Variants in C1orf21 observed in about 807,000 individuals in gnomAD.
C1orf21 encodes the protein uncharacterized protein C1orf21.
In C1orf21, 3 loss-of-function variants were observed where a neutral mutation model predicts 18.7. The observed-to-expected ratio is 0.16, with a 90% CI of 0.07 to 0.42. The LOEUF is 0.42. C1orf21 is among the 10% of genes least tolerant of loss of function. The pLI is 0.99. For missense variants in C1orf21, 104 were observed against 143.6 expected (o/e 0.72, Z 1.41); for synonymous variants, 41 against 46.4 (o/e 0.88, Z 0.47).
chr1:184,391,755 C>T (rs1169937993), intron 1 of C1orf21, among the ~76,000 whole-genome samples: 1 of 151,916 alleles, frequency 6.6e-6, no homozygotes, highest in African/African-American at 2.4e-5. Context: ...CTCCGTCACC[C>T]AAGCTGGAGT....
chr1:184,505,695 G>A (rs1245744773), intron 2 of C1orf21, among the ~76,000 whole-genome samples: 10 of 149,744 alleles, frequency 6.7e-5, no homozygotes, highest in Admixed American at 2.0e-4. Flanking sequence ...CCCGGGAGGC[G>A]GAGGTTGCAG....
chr1:184,483,541 G>A (rs893861511), intron 2 of C1orf21, among the ~76,000 whole-genome samples: 22 of 152,044 alleles, frequency 1.4e-4, no homozygotes, highest in Admixed American at 8.5e-4. Flanking sequence ...CTTTAAACTT[G>A]AGTCACTTTT....
chr1:184,435,397 G>T (rs1656841689), intron 1 of C1orf21, among the ~76,000 whole-genome samples: 2 of 152,194 alleles, frequency 1.3e-5, no homozygotes, highest in Non-Finnish European at 2.9e-5. Flanking sequence ...AGCCTGGAGT[G>T]CAGTGGCATA....
chr1:184,586,870 A>G (rs1659361188), intron 3 of C1orf21, among the ~76,000 whole-genome samples: 1 of 152,180 alleles, frequency 6.6e-6, no homozygotes, highest in African/African-American at 2.4e-5. Flanking sequence ...TCCTATGTCC[A>G]AAATGCTGTT....
chr1:184,516,064 T>C (rs1658220691), intron 3 of C1orf21, among the ~76,000 whole-genome samples: 1 of 152,164 alleles, frequency 6.6e-6, no homozygotes, highest in Non-Finnish European at 1.5e-5. Flanking sequence ...CCACCTGCCT[T>C]GGTTTCCCAA....
intron 3 of C1orf21, chr1:184,546,099 G>A (rs1365834879): frequency 2.0e-5 from 3 of 152,184 alleles, no homozygotes; most frequent in East Asian, 1.9e-4. Context: ...TTTCATTACA[G>A]CATATCTATG....
rs1357414796 is a variant in C1orf21 at position 184,387,881 on chromosome 1, T to C, written c.-125+513T>C. Among the ~76,000 whole-genome samples, 1 of 152,228 alleles carries C rather than the reference T, an allele frequency of 6.6e-6. No homozygotes were observed. Among genetic ancestry groups the C allele is most frequent in the Non-Finnish European group, 1.5e-5 (1 of 68,036 alleles). On this transcript the variant is annotated intron_variant, in intron 1 of 5. Coordinates refer to ENST00000235307, the MANE Select transcript of C1orf21 (RefSeq NM_030806.4). This position sits in a 1 kb window ranked among gnomAD's most constrained non-coding sequence, Gnocchi z 5.6. ...CTGATTGATGTGTTTGTGTGGGTGG[T>C]TTGACCCCCGGGATTTCTGAAGTTT...
intron 1 of C1orf21, among the ~76,000 whole-genome samples, chr1:184,464,052 A>G (rs1266189979): frequency 6.6e-6 from 1 of 152,240 alleles, no homozygotes; most frequent in Non-Finnish European, 1.5e-5. Flanking sequence ...GCTACAGACT[A>G]GACTGGCTGG....
intron 1 of C1orf21, among the ~76,000 whole-genome samples, chr1:184,402,162 A>G (rs1234208951): frequency 6.6e-6 from 1 of 152,228 alleles, no homozygotes; most frequent in East Asian, 1.9e-4. Context: ...CGGTCACACT[A>G]TCTATGTTTC....
chr1:184,476,890 TGAG>T (rs1384055241), intron 1 of C1orf21, among the ~76,000 whole-genome samples: 1 of 152,132 alleles, frequency 6.6e-6, no homozygotes, highest in African/African-American at 2.4e-5. Flanking sequence ...TGTACCAGTC[TGAG>T]GAGGATGGCT....
chr1:184,592,752 C>T (rs1187400545), intron 4 of C1orf21, among the ~76,000 whole-genome samples: 1 of 152,162 alleles, frequency 6.6e-6, no homozygotes, highest in African/African-American at 2.4e-5. Flanking sequence ...TTACCTAACT[C>T]ATAATCACTT....
intron 1 of C1orf21, among the ~76,000 whole-genome samples, chr1:184,465,053 G>A (rs1293191060): frequency 6.6e-6 from 1 of 152,160 alleles, no homozygotes; most frequent in African/African-American, 2.4e-5. Flanking sequence ...TTACAGGAGT[G>A]AGCCACCATG....
chr1:184,488,037 G>A (rs1289480779), intron 2 of C1orf21, among the ~76,000 whole-genome samples: 2 of 152,172 alleles, frequency 1.3e-5, no homozygotes, highest in African/African-American at 4.8e-5. Context: ...GATTACGCTG[G>A]AGGAGAATGC....
intron 1 of C1orf21, among the ~76,000 whole-genome samples, chr1:184,433,847 A>G (rs1656814176): frequency 1.3e-5 from 2 of 152,058 alleles, no homozygotes; most frequent in Non-Finnish European, 2.9e-5. Flanking sequence ...CCTAGGAACA[A>G]TGCTTGCCTA....
intron 3 of C1orf21, among the ~76,000 whole-genome samples, chr1:184,584,495 T>G (rs1477507244): frequency 6.6e-6 from 1 of 152,168 alleles, no homozygotes; most frequent in Non-Finnish European, 1.5e-5. Flanking sequence ...TGCAGCCACC[T>G]TGGAAAACAG....
intron 3 of C1orf21, among the ~76,000 whole-genome samples, chr1:184,569,349 G>A (rs985468444): frequency 6.6e-6 from 1 of 152,148 alleles, no homozygotes; most frequent in Admixed American, 6.5e-5. Context: ...ATCATCAGTG[G>A]TCATTAAATG....
chr1:184,596,743 C>T (rs903438952), intron 4 of C1orf21, among the ~76,000 whole-genome samples: 70 of 151,958 alleles, frequency 4.6e-4, no homozygotes, highest in Non-Finnish European at 6.8e-4. Context: ...TGGTGGCTCA[C>T]GCCTGCAGTC....
intron 3 of C1orf21, among the ~76,000 whole-genome samples, chr1:184,532,736 G>A (rs1165060723): frequency 6.6e-6 from 1 of 152,042 alleles, no homozygotes; most frequent in East Asian, 1.9e-4. Flanking sequence ...AACAAATCAA[G>A]AACTTGTTTC....
chr1:184,490,011 G>A (rs1657794359), intron 2 of C1orf21, among the ~76,000 whole-genome samples: 1 of 152,200 alleles, frequency 6.6e-6, no homozygotes, highest in Non-Finnish European at 1.5e-5. Context: ...CTTTAGTTGT[G>A]TTTTCAGGGC....
Sources: gnomAD v4.1 joint callset for allele counts (sites outside exome capture counted in the v4.1 genomes callset) on GRCh38, gnomAD v4.1.1 for gene constraint, Gnocchi (gnomAD v3.1) non-coding constraint, MANE v1.5 for transcripts, NCBI Gene and HGNC (gene_info 2026-07-23, HGNC 2026-07-21) for gene names.